The following FAR2 variants were observed in gnomAD, a reference collection of about 807,000 sequenced individuals.
The protein encoded by FAR2 is fatty acyl-CoA reductase 2.
A neutral mutation model predicts 56.0 loss-of-function variants in FAR2; 19 were observed. The ratio of observed to expected loss-of-function variants is 0.34; its 90% CI spans 0.24 to 0.50. The LOEUF (loss-of-function observed/expected upper bound fraction) is 0.50. Among genes scored for constraint, FAR2 ranks in the 20% least tolerant of loss-of-function variants. FAR2 has a pLI of 0.98. For missense variants in FAR2, 508 were observed against 642.2 expected, an observed-to-expected ratio of 0.79 and a Z score of 2.26; for synonymous variants, 219 against 218.8, an observed-to-expected ratio of 1.00 and a Z score of -0.01.
rs1302090970 is a variant in FAR2 at position 29,253,375 on chromosome 12, CTAGA to C, written c.-38-17022_-38-17019del. Reference sequence around the variant, plus strand: ...TCTATCTATACAGATATCTATCTATCTAGATAGATAGATAGATATCTAGATAGAT... The same window carrying C: ...TCTATCTATACAGATATCTATCTATCTAGATAGATAGATATCTAGATAGAT... On this transcript the variant is annotated intron_variant, in intron 1 of 11. Coordinates refer to ENST00000536681, the MANE Select transcript of FAR2 (RefSeq NM_001271783.2). Among the ~76,000 whole-genome samples, 568 of 143,524 alleles carry C rather than the reference CTAGA, an allele frequency of 4.0e-3. 1 individual carries two copies. Among genetic ancestry groups the C allele is most frequent in the African/African-American group, 0.011 (419 of 38,082 alleles). The allele number at this position is 143,524 out of a possible 152,430, so 94.2% of individuals were successfully genotyped here. A position where few individuals can be genotyped will look rare whatever the true frequency, so the allele number is the denominator to read the frequency against.
intron 1 of FAR2, among the ~76,000 whole-genome samples, chr12:29,166,832 C>A (rs1949834667): frequency 6.6e-6 from 1 of 152,184 alleles, no homozygotes; most frequent in African/African-American, 2.4e-5. Context: ...TTCTTTCTCC[C>A]CCTATAGCTA....
intron 1 of FAR2, among the ~76,000 whole-genome samples, chr12:29,236,481 C>G (rs1947943667): frequency 6.6e-6 from 1 of 152,092 alleles, no homozygotes; most frequent in Non-Finnish European, 1.5e-5. Context: ...TTCCGCATGG[C>G]TGGGGAGGCC....
intron 1 of FAR2, among the ~76,000 whole-genome samples, chr12:29,195,029 T>C (rs1950133961): frequency 1.3e-5 from 2 of 152,202 alleles, no homozygotes; most frequent in Non-Finnish European, 2.9e-5. Flanking sequence ...CTTTTTGGAT[T>C]CCAGCATATG....
chr12:29,166,229 C>G (rs2136582091), intron 1 of FAR2, among the ~76,000 whole-genome samples: 1 of 152,316 alleles, frequency 6.6e-6, no homozygotes, highest in South Asian at 2.1e-4. Context: ...TTGACAGTAT[C>G]TAAGACTGAT....
chr12:29,266,611 A>C (rs193124742), intron 1 of FAR2, among the ~76,000 whole-genome samples: 10 of 152,086 alleles, frequency 6.6e-5, no homozygotes, highest in African/African-American at 2.2e-4. Flanking sequence ...GTCAACAATA[A>C]TTTATTGCAA....
chr12:29,210,593 T>TA (rs1947533401), intron 1 of FAR2, among the ~76,000 whole-genome samples: 1 of 152,264 alleles, frequency 6.6e-6, no homozygotes, highest in Admixed American at 6.5e-5. Context: ...GGCTTTCTGT[T>TA]ACATATTCAT....
At chr12:29,222,247 C>A (rs559888866) in intron 1 of FAR2, among the ~76,000 whole-genome samples, 6 of 152,300 alleles carry the variant, frequency 3.9e-5, no homozygotes, top group African/African-American at 1.2e-4. Flanking sequence ...TCTATTTGAA[C>A]TTGTCCCCAT....
At chr12:29,164,177 A>T (rs1175886225) in intron 1 of FAR2, among the ~76,000 whole-genome samples, 1 of 152,200 alleles carries the variant, frequency 6.6e-6, no homozygotes, top group Non-Finnish European at 1.5e-5. Flanking sequence ...AATCGATTGC[A>T]CCAAGCTTCA....
chr12:29,328,635 C>T lies in FAR2; in HGVS notation c.1258-3965C>T, dbSNP rs1196886200. 1.2e-4 allele frequency among the ~76,000 whole-genome samples: 18 copies of T among 151,062 alleles called. No homozygotes were observed. In the South Asian group the frequency reaches 2.5e-3, roughly 21 times the overall value. ...GAAACCATCATTCTCAGCAAACTAT[C>T]GCAAGGACAAAAAACCAAACACCGC... is the stretch of plus-strand genomic sequence containing the variant. On this transcript the variant is annotated intron_variant, in intron 10 of 11. Coordinates refer to ENST00000536681, the MANE Select transcript of FAR2 (RefSeq NM_001271783.2).
At chr12:29,309,070 T>C in intron 5 of FAR2, 116 bp from the exon 6 acceptor site, 1 of 756,616 alleles carries the variant, frequency 1.3e-6, no homozygotes, top group South Asian at 1.5e-5. Context: ...TAGATAGTTC[T>C]ATTGGCTGGG....
At chr12:29,184,585 C>T (rs749172669) in intron 1 of FAR2, among the ~76,000 whole-genome samples, 1 of 151,832 alleles carries the variant, frequency 6.6e-6, no homozygotes, top group Non-Finnish European at 1.5e-5. Context: ...CTGGTGCCCA[C>T]CACCATGCCC....
chr12:29,333,148 T>C (rs1461768341), intron 11 of FAR2: 2 of 335,434 alleles, frequency 6.0e-6, no homozygotes, highest in African/African-American at 4.3e-5. Flanking sequence ...TTAAATTTCT[T>C]TCAGTCGTAA....
intron 1 of FAR2, among the ~76,000 whole-genome samples, chr12:29,214,068 C>A (rs1051373641): frequency 5.3e-5 from 8 of 152,228 alleles, no homozygotes; most frequent in African/African-American, 9.6e-5. Flanking sequence ...AGCACACTTG[C>A]AAATTTAAGC....
At chr12:29,213,683 C>A (rs1281200306) in intron 1 of FAR2, among the ~76,000 whole-genome samples, 3 of 99,254 alleles carry the variant, frequency 3.0e-5, no homozygotes, top group Non-Finnish European at 6.4e-5. Flanking sequence ...GAAGGAGACT[C>A]TGTCTCAAAA....
intron 1 of FAR2, among the ~76,000 whole-genome samples, chr12:29,260,572 C>T (rs1948400602): frequency 6.6e-6 from 1 of 152,146 alleles, no homozygotes; most frequent in South Asian, 2.1e-4. Flanking sequence ...GCATTTCTGG[C>T]TGTGACAGCT....
intron 2 of FAR2, among the ~76,000 whole-genome samples, chr12:29,287,020 C>T (rs777585121): frequency 6.6e-6 from 1 of 152,146 alleles, no homozygotes; most frequent in African/African-American, 2.4e-5. Flanking sequence ...CATAGCAAAT[C>T]AATGGCAGAA....
At chr12:29,309,302 C>A in intron 6 of FAR2, 72 bp downstream of exon 6, 2 of 1,099,626 alleles carry the variant, frequency 1.8e-6, no homozygotes, top group Non-Finnish European at 2.7e-6. Context: ...TTAGTGCTGG[C>A]TTAGCTTCAT....
At chr12:29,327,650 G>A (rs570093201) in intron 10 of FAR2, among the ~76,000 whole-genome samples, 41 of 152,226 alleles carry the variant, frequency 2.7e-4, no homozygotes, top group African/African-American at 8.2e-4. Flanking sequence ...ACAAGAAATG[G>A]GGAAAGGATT....
chr12:29,188,022 T>C (rs1161879699), intron 1 of FAR2, among the ~76,000 whole-genome samples: 1 of 152,170 alleles, frequency 6.6e-6, no homozygotes, highest in Non-Finnish European at 1.5e-5. Flanking sequence ...CTACCTTCAC[T>C]ATGACTGTAT....
Sources: allele counts gnomAD v4.1 joint callset (sites outside exome capture counted in the v4.1 genomes callset), GRCh38; gene constraint gnomAD v4.1.1; transcripts MANE v1.5; gene names NCBI Gene and HGNC (gene_info 2026-07-23, HGNC 2026-07-21).